MGAM2: variants seen among roughly 807,000 people sequenced by gnomAD.
MGAM2 encodes maltase-glucoamylase 2 (putative), also known as probable maltase-glucoamylase 2.
In MGAM2, 98 loss-of-function variants were observed where a neutral mutation model predicts 96.1. The ratio of observed to expected loss-of-function variants is 1.02; its 90% CI spans 0.87 to 1.21. The LOEUF (loss-of-function observed/expected upper bound fraction) is 1.21. Ranked by LOEUF, MGAM2 falls within the 50% of genes most tolerant of loss-of-function variation. MGAM2 has a pLI of 0.00. For missense variants in MGAM2, 2,055 were observed against 1,182.4 expected, an observed-to-expected ratio of 1.74 and a Z score of -10.82; for synonymous variants, 749 against 414.8, an observed-to-expected ratio of 1.81 and a Z score of -9.79.
intron 45 of MGAM2, among the ~76,000 whole-genome samples, chr7:142,200,479 T>G (rs919607560): frequency 6.6e-6 from 1 of 152,212 alleles, no homozygotes; most frequent in Non-Finnish European, 1.5e-5. Flanking sequence ...TATGTTTCCT[T>G]TCCCCAGTTG....
chr7:142,218,404 A>C lies in MGAM2; in HGVS notation c.5231A>C (p.Asp1744Ala), dbSNP rs1472067997. The change falls in exon 47 of 48, where the codon GAC becomes GCC. Residue 1744 changes from aspartate to alanine, a missense_variant. Physicochemically the swap from Asp to Ala is moderately radical, Grantham distance 126 (BLOSUM62 -2). Coordinates refer to ENST00000477922, the MANE Select transcript of MGAM2 (RefSeq NM_001293626.2). ...ACCATACACAATAAGTATTTGAGTGACTCGAATCCACTAAAAGTTGGGTAT... is the reference window on the plus strand; with the variant it reads ...ACCATACACAATAAGTATTTGAGTGCCTCGAATCCACTAAAAGTTGGGTAT... ...IQTIHNKYLSDSNPLKVGYIR... is the reference protein window; with the variant it reads ...IQTIHNKYLSASNPLKVGYIR... 4.3e-6 allele frequency: 3 copies of C among 702,368 alleles called. No homozygotes were observed. Among genetic ancestry groups the C allele is most frequent in the Non-Finnish European group, 7.8e-6 (3 of 384,812 alleles). 43.5% of individuals were successfully genotyped at this position (702,368 alleles called of 1,614,324 possible).
At chr7:142,146,618 T>C (rs935908413) in intron 14 of MGAM2, among the ~76,000 whole-genome samples, 17 of 152,140 alleles carry the variant, frequency 1.1e-4, no homozygotes, top group African/African-American at 3.9e-4. Flanking sequence ...CAGAGAAGAC[T>C]GGCCATTTCA....
At chr7:142,199,811 C>G in intron 44 of MGAM2, 69 bp from the exon 45 acceptor site, 1 of 574,846 alleles carries the variant, frequency 1.7e-6, no homozygotes, top group Non-Finnish European at 3.1e-6. Flanking sequence ...ATGTTTTTAA[C>G]ACAGTCTGTT....
intron 12 of MGAM2, among the ~76,000 whole-genome samples, chr7:142,143,261 T>C (rs972353794): frequency 8.5e-5 from 13 of 152,184 alleles, no homozygotes; most frequent in African/African-American, 3.1e-4. Context: ...TTGATAGGCA[T>C]AGACAGAAAA....
At chr7:142,140,667 G>A in intron 10 of MGAM2, 135 bp from the exon 11 acceptor site, 1 of 556,562 alleles carries the variant, frequency 1.8e-6, no homozygotes, top group South Asian at 2.6e-5. Context: ...CTCCTAAGAA[G>A]TAGCCAAGCC....
At chr7:142,135,805 AT>A (rs1452921097) in intron 7 of MGAM2, among the ~76,000 whole-genome samples, 2 of 151,296 alleles carry the variant, frequency 1.3e-5, no homozygotes, top group Non-Finnish European at 1.5e-5. Flanking sequence ...AGATTTCAAT[AT>A]TTTTTCTTTC....
intron 46 of MGAM2, among the ~76,000 whole-genome samples, chr7:142,216,364 T>C (rs879388992): frequency 4.7e-4 from 72 of 152,240 alleles, no homozygotes; most frequent in Non-Finnish European, 9.3e-4. Flanking sequence ...TTTAAAAAAT[T>C]GTAAAACATT....
chr7:142,172,528 A>T (rs1044745202), intron 29 of MGAM2, 124 bp from the exon 30 acceptor site: 4 of 580,604 alleles, frequency 6.9e-6, no homozygotes, highest in Admixed American at 3.1e-5. Flanking sequence ...GGATGAGAGA[A>T]GACTTTCTAG....
In MGAM2 at chr7:142,116,875, T is replaced by TGGC; in HGVS notation, c.4_6dup (p.Ala2dup). On this transcript the variant is annotated inframe_insertion and splice_region_variant, in exon 2 of 48. Transcript: ENST00000477922. ...ACCCAATTATCTGTGTCTATCTAGA[T>TGGC]GGCGAGGAAGCTCAGTGTATTGGAA... The TGGC allele has an allele frequency of 1.4e-6, 1 of 703,630 alleles. No individual in the cohort carries two copies. The highest frequency in any genetic ancestry group is 2.6e-6 in the Non-Finnish European group (1 of 385,108). 43.6% of individuals were successfully genotyped at this position (703,630 alleles called of 1,614,324 possible).
chr7:142,138,817 T>A (rs568060488), intron 10 of MGAM2, 150 bp downstream of exon 10: 1 of 591,904 alleles, frequency 1.7e-6, no homozygotes, highest in South Asian at 2.0e-5. Context: ...TTAAGTTATG[T>A]ATCTGAGCAT....
intron 46 of MGAM2, among the ~76,000 whole-genome samples, chr7:142,213,619 C>A (rs1797661208): frequency 6.6e-6 from 1 of 152,122 alleles, no homozygotes. Context: ...GAAGGTAAAA[C>A]CAGGGAGAAG....
chr7:142,114,158 G>C (rs565882308), intron 1 of MGAM2, among the ~76,000 whole-genome samples: 1 of 70,280 alleles, frequency 1.4e-5, no homozygotes, highest in African/African-American at 9.2e-5. Flanking sequence ...AAGAAGGAAA[G>C]AAAGAAAGAA....
At chr7:142,146,797 G>A (rs1488342059) in intron 14 of MGAM2, among the ~76,000 whole-genome samples, 5 of 151,182 alleles carry the variant, frequency 3.3e-5, no homozygotes, top group South Asian at 2.1e-4. Flanking sequence ...GCACGATCTC[G>A]GCTCATTGCC....
intron 37 of MGAM2, among the ~76,000 whole-genome samples, chr7:142,190,826 CA>C (rs1267754424): frequency 6.6e-6 from 1 of 151,918 alleles, no homozygotes; most frequent in African/African-American, 2.4e-5. Context: ...TTGATAGAAT[CA>C]TTTTTTTTAA....
rs1193284078 is a variant in MGAM2 at position 142,219,997 on chromosome 7, C to T, written c.5486C>T (p.Pro1829Leu). The change falls in exon 48 of 48, where the codon CCT becomes CTT. Residue 1829 changes from proline (P) to leucine (L), a missense_variant. Coordinates refer to ENST00000477922, the MANE Select transcript of MGAM2 (RefSeq NM_001293626.2). ...KTSTIPMSSH[P>L]SPSTTNATSS... ...AGTACCATCCCAATGAGTTCTCATC[C>T]TTCTCCATCTACTACCAATGCCACC... 1.4e-6 allele frequency: 1 copy of T among 702,906 alleles called. No individual in the cohort carries two copies. The allele number at this position is 702,906 out of a possible 1,614,324, so 43.5% of individuals were successfully genotyped here.
At chr7:142,161,714 T>C (rs1159012250) in intron 22 of MGAM2, among the ~76,000 whole-genome samples, 1 of 152,274 alleles carries the variant, frequency 6.6e-6, no homozygotes, top group African/African-American at 2.4e-5. Context: ...AATGCACACA[T>C]AGATAAATAC....
chr7:142,141,940 T>C lies in MGAM2; in HGVS notation c.1317+821T>C, dbSNP rs370872874. Reference sequence around the variant, plus strand: ...TGAGAGTACTTTAAATCAAATCACATAGGCAATTTCAATTATATGTAGGGT... The same window carrying C: ...TGAGAGTACTTTAAATCAAATCACACAGGCAATTTCAATTATATGTAGGGT... On this transcript the variant is annotated intron_variant, in intron 12 of 47. Transcript: ENST00000477922. Among the ~76,000 whole-genome samples, 130 of 152,196 alleles carry C rather than the reference T, an allele frequency of 8.5e-4. 3 individuals are homozygous for C. The highest frequency in any genetic ancestry group is 3.1e-3 in the African/African-American group (127 of 41,434).
chr7:142,161,036 A>T (rs1344513105), intron 21 of MGAM2, 89 bp from the exon 22 acceptor site: 3 of 650,090 alleles, frequency 4.6e-6, no homozygotes. Flanking sequence ...AGACTCTTGG[A>T]TTATCTGTCC....
chr7:142,198,287 A>G, intron 43 of MGAM2, 92 bp downstream of exon 43: 3 of 649,736 alleles, frequency 4.6e-6, no homozygotes, highest in Non-Finnish European at 8.4e-6. Context: ...ATATTTCCTA[A>G]GGCAATAATT....
Sources: allele counts gnomAD v4.1 joint callset (sites outside exome capture counted in the v4.1 genomes callset), GRCh38; gene constraint gnomAD v4.1.1; transcripts MANE v1.5; gene names NCBI Gene and HGNC (gene_info 2026-07-23, HGNC 2026-07-21).